Variants in EFCAB6 observed in about 807,000 individuals in gnomAD.
The protein encoded by EFCAB6 is EF-hand calcium binding domain 6, also known as EF-hand calcium-binding domain-containing protein 6.
A neutral mutation model predicts 169.8 loss-of-function variants in EFCAB6; 156 were observed. The ratio of observed to expected loss-of-function variants is 0.92; its 90% CI spans 0.81 to 1.05. EFCAB6 has a LOEUF of 1.05. Ranked by LOEUF, EFCAB6 falls within the 50% of genes least tolerant of loss-of-function variation. The pLI is 0.00. For missense variants in EFCAB6, 1,800 were observed against 1,829.1 expected (o/e 0.98, Z 0.29); for synonymous variants, 698 against 676.4 (o/e 1.03, Z -0.50).
chr22:43,678,216 GAA>G (rs2057854320), intron 12 of EFCAB6, 53 bp from the exon 13 acceptor site: 9 of 1,454,504 alleles, frequency 6.2e-6, no homozygotes, highest in Non-Finnish European at 8.4e-6. Flanking sequence ...AAAAAAGGAA[GAA>G]AAAGTGTTAT....
intron 8 of EFCAB6, among the ~76,000 whole-genome samples, chr22:43,720,850 G>A (rs759434549): frequency 1.3e-5 from 2 of 152,016 alleles, no homozygotes; most frequent in Non-Finnish European, 2.9e-5. Context: ...CACAATTCAA[G>A]AAATTAAAGA....
chr22:43,548,526 C>T (rs1274907651), intron 27 of EFCAB6, among the ~76,000 whole-genome samples: 16 of 94,894 alleles, frequency 1.7e-4, no homozygotes, highest in African/African-American at 4.7e-4. Flanking sequence ...GGTGACAGAG[C>T]GAGAATCCAT....
At chr22:43,587,177 G>A (rs1219787390) in intron 24 of EFCAB6, among the ~76,000 whole-genome samples, 1 of 152,170 alleles carries the variant, frequency 6.6e-6, no homozygotes, top group African/African-American at 2.4e-5. Flanking sequence ...CAGACTTCAC[G>A]TGTCTGGGTG....
At chr22:43,592,384 T>C (rs950136899) in intron 23 of EFCAB6, among the ~76,000 whole-genome samples, 1 of 152,220 alleles carries the variant, frequency 6.6e-6, no homozygotes, top group Non-Finnish European at 1.5e-5. Flanking sequence ...GAATGATTAC[T>C]CGTCATCACA....
At chr22:43,660,230 C>T (rs2056937707) in intron 17 of EFCAB6, among the ~76,000 whole-genome samples, 1 of 152,198 alleles carries the variant, frequency 6.6e-6, no homozygotes, top group Non-Finnish European at 1.5e-5. Flanking sequence ...GCCCATGTGT[C>T]GTTGGGTATT....
rs548688310 is a variant in EFCAB6 at position 43,786,573 on chromosome 22, T to A, written c.-7-4248A>T. ...CGTCTCTACTAAAAATACAAAAAAA[T>A]TAGCAGGGCATGGTGGCGGGCACCT... is the stretch of plus-strand genomic sequence containing the variant. On this transcript the variant is annotated intron_variant, in intron 2 of 31. Transcript: ENST00000262726. Among the ~76,000 whole-genome samples, 974 of 151,576 alleles carry A rather than the reference T, an allele frequency of 6.4e-3. 16 individuals carry two copies. The highest frequency in any genetic ancestry group is 0.023 in the African/African-American group (934 of 41,318).
chr22:43,648,645 A>G (rs926707183), intron 17 of EFCAB6, among the ~76,000 whole-genome samples: 2 of 152,212 alleles, frequency 1.3e-5, no homozygotes, highest in East Asian at 3.8e-4. Flanking sequence ...TTCATGCCCC[A>G]AACCTCAGCA....
chr22:43,756,260 C>A (rs919169944), intron 5 of EFCAB6, among the ~76,000 whole-genome samples: 1 of 152,166 alleles, frequency 6.6e-6, no homozygotes, highest in Non-Finnish European at 1.5e-5. Context: ...GAAGTGGAGG[C>A]GCCAGCATCA....
chr22:43,737,128 C>A (rs2060169842), intron 6 of EFCAB6, among the ~76,000 whole-genome samples: 1 of 152,154 alleles, frequency 6.6e-6, no homozygotes, highest in Non-Finnish European at 1.5e-5. Context: ...CTCACCGCCT[C>A]TTCCAAACCT....
chr22:43,783,526 A>G (rs2061904535), intron 2 of EFCAB6, among the ~76,000 whole-genome samples: 1 of 152,218 alleles, frequency 6.6e-6, no homozygotes. Context: ...CTCCAATACA[A>G]AAAGCCCCTC....
chr22:43,737,987 C>T (rs1304817748), intron 6 of EFCAB6, among the ~76,000 whole-genome samples: 1 of 150,984 alleles, frequency 6.6e-6, no homozygotes, highest in South Asian at 2.1e-4. Context: ...TATATTCGCA[C>T]ATATATTCAC....
chr22:43,658,412 A>G (rs1346367441), intron 17 of EFCAB6, among the ~76,000 whole-genome samples: 2 of 151,976 alleles, frequency 1.3e-5, no homozygotes, highest in Non-Finnish European at 2.9e-5. Context: ...GGCAGAGGCC[A>G]CTCCCGCACT....
At chr22:43,630,474 C>T (rs78116140) in intron 19 of EFCAB6, among the ~76,000 whole-genome samples, 2,826 of 152,296 alleles carry the variant, frequency 0.019, 91 homozygotes, top group African/African-American at 0.065. Context: ...AACGATGTAG[C>T]GTGGAGCTGG....
In EFCAB6 at chr22:43,632,228, C is replaced by G; in HGVS notation, c.2109G>C (p.Met703Ile). 1 of 1,608,420 alleles carries G rather than the reference C, an allele frequency of 6.2e-7. No individual in the cohort carries two copies. Among genetic ancestry groups the G allele is most frequent in the Non-Finnish European group, 8.5e-7 (1 of 1,177,014 alleles). The change falls in exon 19 of 32, where the codon ATG becomes ATC. Residue 703 changes from methionine to isoleucine, a missense_variant. Transcript: ENST00000262726. ...GCGGCGGAGTGGTTTCCGGCCCTCT[C>G]ATTGGAGGATCTGGAACAATTACAA... Reference protein sequence around the residue: ...DFAAGFEDPPMRGPETTPPQP... With the variant: ...DFAAGFEDPPIRGPETTPPQP...
At chr22:43,803,999 A>G (rs2062824639) in intron 2 of EFCAB6, among the ~76,000 whole-genome samples, 1 of 152,134 alleles carries the variant, frequency 6.6e-6, no homozygotes, top group South Asian at 2.1e-4. Flanking sequence ...GACACGCACC[A>G]CTGTATCCAG....
chr22:43,643,518 C>T (rs137742), intron 17 of EFCAB6, among the ~76,000 whole-genome samples: 21,701 of 152,262 alleles, frequency 0.14, 1,663 homozygotes, highest in African/African-American at 0.2. Flanking sequence ...CCCAGGGAAG[C>T]CTGGGAGCCA....
chr22:43,684,896 G>A (rs998953667), intron 11 of EFCAB6, among the ~76,000 whole-genome samples: 17 of 152,104 alleles, frequency 1.1e-4, no homozygotes, highest in African/African-American at 3.6e-4. Flanking sequence ...CCTGGCCTCC[G>A]CCCACTAGAT....
chr22:43,799,598 A>G (rs1416978200), intron 2 of EFCAB6, among the ~76,000 whole-genome samples: 4 of 152,236 alleles, frequency 2.6e-5, no homozygotes, highest in African/African-American at 7.2e-5. Flanking sequence ...TACTAATTTT[A>G]TAACCTTTAT....
chr22:43,672,924 A>G (rs538830972), intron 13 of EFCAB6, among the ~76,000 whole-genome samples: 1 of 152,364 alleles, frequency 6.6e-6, no homozygotes, highest in African/African-American at 2.4e-5. Flanking sequence ...GGAAAAGTAC[A>G]ATAAACACAC....
Sources: gnomAD v4.1 joint callset for allele counts (sites outside exome capture counted in the v4.1 genomes callset) on GRCh38, gnomAD v4.1.1 for gene constraint, MANE v1.5 for transcripts, NCBI Gene and HGNC (gene_info 2026-07-23, HGNC 2026-07-21) for gene names.